PHF8: variants seen among roughly 807,000 people sequenced by gnomAD.
PHF8 encodes histone lysine demethylase PHF8.
In PHF8, 9 loss-of-function variants were observed where a neutral mutation model predicts 74.4. The ratio of observed to expected loss-of-function variants is 0.12; its 90% CI spans 0.07 to 0.21. The LOEUF (loss-of-function observed/expected upper bound fraction) is 0.21, where lower values mean the gene tolerates loss of function less well. Ranked by LOEUF, PHF8 falls within the 10% of genes least tolerant of loss-of-function variation. The pLI, the probability that PHF8 is intolerant of heterozygous loss-of-function variation, is 1.00. For missense variants in PHF8, 478 were observed against 816.6 expected (o/e 0.59, Z 5.05); for synonymous variants, 311 against 316.6 (o/e 0.98, Z 0.19).
intron 18 of PHF8, among the ~76,000 whole-genome samples, chrX:53,973,643 G>A (rs1454778375): frequency 2.7e-5 from 3 of 111,387 alleles, no homozygotes; most frequent in Non-Finnish European, 3.8e-5. Context: ...AAGAATTAAC[G>A]CAAGATGAAT....
At chrX:54,015,633 A>G (rs1236971279) in intron 6 of PHF8, among the ~76,000 whole-genome samples, 3 of 109,167 alleles carry the variant, frequency 2.7e-5, no homozygotes, top group African/African-American at 1.0e-4. Context: ...TACCGTAATT[A>G]CATAATACGT....
rs968749704 is a variant in PHF8 at position 53,936,838 on chromosome X, G to A, written c.*2320C>T. 2 of 111,957 alleles carry A rather than the reference G, an allele frequency of 1.8e-5. No individual in the cohort carries two copies. Among genetic ancestry groups the A allele is most frequent in the Non-Finnish European group, 3.8e-5 (2 of 53,149 alleles). 9.2% of individuals were successfully genotyped at this position (111,957 alleles called of 1,213,427 possible). On this transcript the variant is annotated 3_prime_UTR_variant, in exon 22 of 22. Coordinates refer to ENST00000338154, the MANE Select transcript of PHF8 (RefSeq NM_015107.3). ...CTATTTATAAAAAGGCCCTGCATCA[G>A]AAATTCACAATCCTACCCACTTCTA...
At chrX:53,963,379 A>C in intron 18 of PHF8, among the ~76,000 whole-genome samples, 1 of 111,893 alleles carries the variant, frequency 8.9e-6, no homozygotes, top group Non-Finnish European at 1.9e-5. Flanking sequence ...GTTGCCTCCA[A>C]TTTACCATAA....
At chrX:54,011,004 G>A (rs1470908849) in intron 8 of PHF8, 118 bp downstream of exon 8, 10 of 652,408 alleles carry the variant, frequency 1.5e-5, no homozygotes, top group South Asian at 4.7e-5. Flanking sequence ...CCAGTTCTGC[G>A]CCTTTCGCTG....
At chrX:53,944,447 C>T in intron 19 of PHF8, 1 of 413,296 alleles carries the variant, frequency 2.4e-6, no homozygotes, top group Non-Finnish European at 4.2e-6. Context: ...AAAGGTAAAC[C>T]TCCCAGAGGG....
intron 2 of PHF8, among the ~76,000 whole-genome samples, chrX:54,028,408 T>C (rs1333092321): frequency 9.0e-6 from 1 of 111,415 alleles, no homozygotes; most frequent in Non-Finnish European, 1.9e-5. Context: ...TAATCATGTC[T>C]TTGGCTGTTC....
intron 18 of PHF8, among the ~76,000 whole-genome samples, chrX:53,966,751 G>T (rs1489456568): frequency 9.2e-6 from 1 of 108,653 alleles, no homozygotes; most frequent in African/African-American, 3.3e-5. Flanking sequence ...AGTGAGGAGC[G>T]TCTCTGCCCG....
intron 20 of PHF8, among the ~76,000 whole-genome samples, chrX:53,942,271 T>C (rs1428316004): frequency 1.8e-5 from 2 of 112,015 alleles, no homozygotes; most frequent in Non-Finnish European, 3.8e-5. Flanking sequence ...AACAGGCCTA[T>C]AGTACTTACT....
At chrX:53,958,389 T>C (rs1242179052) in intron 19 of PHF8, among the ~76,000 whole-genome samples, 3 of 107,441 alleles carry the variant, frequency 2.8e-5, no homozygotes, top group Non-Finnish European at 3.8e-5. Flanking sequence ...GCGTATAAAA[T>C]ACGTTTCCAA....
At chrX:53,944,288 C>T (rs782565851) in intron 19 of PHF8, 45 bp from the exon 20 acceptor site, 21 of 957,179 alleles carry the variant, frequency 2.2e-5, no homozygotes, top group African/African-American at 5.7e-5. Context: ...GACATTTATC[C>T]GAAGGCTAGC....
chrX:53,974,859 G>A (rs956293790), intron 18 of PHF8, among the ~76,000 whole-genome samples: 3 of 111,913 alleles, frequency 2.7e-5, no homozygotes, highest in Admixed American at 9.5e-5. Context: ...GCTGAATGAC[G>A]AGAACACATG....
intron 19 of PHF8, among the ~76,000 whole-genome samples, chrX:53,952,283 CAA>C (rs782483897): frequency 7.6e-5 from 5 of 65,520 alleles, no homozygotes; most frequent in Admixed American, 1.9e-4. Flanking sequence ...GACTCTGTCT[CAA>C]AAAAAAAAAA....
At chrX:53,941,527 T>C (rs2149769256) in intron 20 of PHF8, among the ~76,000 whole-genome samples, 1 of 111,833 alleles carries the variant, frequency 8.9e-6, no homozygotes, top group South Asian at 3.8e-4. Flanking sequence ...ATAGTGGGCA[T>C]CTGGAGCCCT....
intron 19 of PHF8, among the ~76,000 whole-genome samples, chrX:53,948,891 G>C (rs2064874404): frequency 9.3e-6 from 1 of 107,138 alleles, no homozygotes; most frequent in South Asian, 4.3e-4. Flanking sequence ...CGGGCATGGA[G>C]GTGCATGCCT....
chrX:53,982,295 AT>A (rs1380115859), intron 18 of PHF8, among the ~76,000 whole-genome samples: 3 of 112,481 alleles, frequency 2.7e-5, no homozygotes, highest in African/African-American at 9.7e-5. Flanking sequence ...TGCAGAGGGG[AT>A]TTGCTCTACC....
chrX:53,940,351 CAGG>C lies in PHF8; in HGVS notation c.2812_2814del (p.Pro938del). The stretch of plus-strand genomic sequence containing the variant: ...CCTGACAGGGCCTCTTGTTTAGGCT[CAGG>C]AGGAGGCAGGGGTGAGGAGGAGGTG... On this transcript the variant is annotated inframe_deletion, in exon 21 of 22. Coordinates refer to ENST00000338154, the MANE Select transcript of PHF8 (RefSeq NM_015107.3). 3.3e-6 allele frequency: 4 copies of C among 1,209,466 alleles called. No homozygotes were observed. The highest frequency in any genetic ancestry group is 4.5e-6 in the Non-Finnish European group (4 of 894,557).
At chrX:54,015,828 T>C (rs2066058634) in intron 6 of PHF8, among the ~76,000 whole-genome samples, 1 of 111,197 alleles carries the variant, frequency 9.0e-6, no homozygotes, top group Non-Finnish European at 1.9e-5. Context: ...GAGAAGACTA[T>C]ATACGTATCT....
chrX:54,005,513 A>T (rs2065885028), intron 8 of PHF8, among the ~76,000 whole-genome samples: 1 of 109,497 alleles, frequency 9.1e-6, no homozygotes, highest in Non-Finnish European at 1.9e-5. Flanking sequence ...CATATACAGC[A>T]AAAGACATAA....
chrX:54,024,573 T>C (rs1350583333), intron 2 of PHF8, among the ~76,000 whole-genome samples: 2 of 111,635 alleles, frequency 1.8e-5, no homozygotes, highest in African/African-American at 3.3e-5. Context: ...CTGCTCAACA[T>C]TGGCACTCTC....
Sources: gnomAD v4.1 joint callset for allele counts (sites outside exome capture counted in the v4.1 genomes callset) on GRCh38, gnomAD v4.1.1 for gene constraint, MANE v1.5 for transcripts, NCBI Gene and HGNC (gene_info 2026-07-23, HGNC 2026-07-21) for gene names.